Variants in TENM2 observed in about 807,000 individuals in gnomAD.
TENM2 encodes the protein teneurin-2.
TENM2 carries 52 observed loss-of-function variants against 245.2 expected under a neutral mutation model. The observed-to-expected ratio is 0.21, with a 90% CI of 0.17 to 0.27. TENM2 has a LOEUF of 0.27. TENM2 is among the 10% of genes least tolerant of loss of function. The pLI, the probability that TENM2 is intolerant of heterozygous loss-of-function variation, is 1.00. For missense variants in TENM2, 3,046 were observed against 3,666.8 expected (o/e 0.83, Z 4.37); for synonymous variants, 1,363 against 1,438.9 (o/e 0.95, Z 1.19).
the TENM2 span, among the ~76,000 whole-genome samples, chr5:167,041,593 T>C: frequency 6.6e-6 from 1 of 152,230 alleles, no homozygotes; most frequent in Non-Finnish European, 1.5e-5. Flanking sequence ...AAAAGAGTCT[T>C]GAATTTTTTA....
At chr5:167,649,942 G>A (rs1323287853) in intron 2 of TENM2, among the ~76,000 whole-genome samples, 1 of 152,116 alleles carries the variant, frequency 6.6e-6, no homozygotes, top group Non-Finnish European at 1.5e-5. Flanking sequence ...GATAAAGCAT[G>A]CAAACATTGA....
intron 23 of TENM2, among the ~76,000 whole-genome samples, chr5:168,225,329 G>T (rs1562302737): frequency 6.6e-6 from 1 of 152,224 alleles, no homozygotes; most frequent in African/African-American, 2.4e-5. Flanking sequence ...TCAGGGCATG[G>T]ATGGTCTCAA....
chr5:167,931,677 A>C (rs1778303268), intron 3 of TENM2, among the ~76,000 whole-genome samples: 1 of 152,214 alleles, frequency 6.6e-6, no homozygotes, highest in African/African-American at 2.4e-5. Flanking sequence ...AAACGTGTCA[A>C]GAGCACTGGT....
At chr5:167,275,673 T>G in the TENM2 span, among the ~76,000 whole-genome samples, 1 of 152,118 alleles carries the variant, frequency 6.6e-6, no homozygotes, top group Non-Finnish European at 1.5e-5. Flanking sequence ...GCTAGTGTAT[T>G]GAAATGCAAT....
At chr5:167,388,732 T>C (rs1581913138) in intron 2 of TENM2, among the ~76,000 whole-genome samples, 2 of 152,130 alleles carry the variant, frequency 1.3e-5, no homozygotes, top group Admixed American at 1.3e-4. Flanking sequence ...AATTTTTTAC[T>C]TTCCATCGCG....
intron 2 of TENM2, among the ~76,000 whole-genome samples, chr5:167,688,064 T>TA (rs1456629990): frequency 6.6e-6 from 1 of 152,226 alleles, no homozygotes; most frequent in African/African-American, 2.4e-5. Context: ...GCATTGTTTT[T>TA]ATCATTCTTG....
chr5:167,043,819 C>G, the TENM2 span, among the ~76,000 whole-genome samples: 1 of 152,044 alleles, frequency 6.6e-6, no homozygotes, highest in East Asian at 1.9e-4. Context: ...GTCAAGTGAT[C>G]GAGACCATCC....
intron 2 of TENM2, among the ~76,000 whole-genome samples, chr5:167,549,132 T>A (rs1260506047): frequency 6.6e-6 from 1 of 152,204 alleles, no homozygotes; most frequent in Non-Finnish European, 1.5e-5. Flanking sequence ...CAGCCAATCG[T>A]AGCAGAGCAA....
the TENM2 span, among the ~76,000 whole-genome samples, chr5:167,016,260 A>G: frequency 2.7e-5 from 3 of 112,338 alleles, no homozygotes; most frequent in South Asian, 1.0e-3. Context: ...TCTCAAAAAA[A>G]AAAACAAACA....
At chr5:168,021,050 G>C (rs1301853548) in intron 5 of TENM2, among the ~76,000 whole-genome samples, 3 of 152,182 alleles carry the variant, frequency 2.0e-5, no homozygotes, top group Admixed American at 6.5e-5. Context: ...TGATAACCTA[G>C]AAAGTCAGGA....
chr5:167,558,468 G>A (rs534505147), intron 2 of TENM2, among the ~76,000 whole-genome samples: 6 of 152,302 alleles, frequency 3.9e-5, no homozygotes, highest in South Asian at 2.1e-4. Flanking sequence ...TTAGGAACCC[G>A]GCTGCATGGC....
intron 1 of TENM2, among the ~76,000 whole-genome samples, chr5:167,344,462 A>T (rs965089126): frequency 6.6e-6 from 1 of 151,872 alleles, no homozygotes; most frequent in Non-Finnish European, 1.5e-5. Flanking sequence ...AAAGAAATTC[A>T]TCTCTGCTTG....
At chr5:167,719,610 C>T (rs2150512686) in intron 2 of TENM2, among the ~76,000 whole-genome samples, 1 of 152,308 alleles carries the variant, frequency 6.6e-6, no homozygotes, top group African/African-American at 2.4e-5. Flanking sequence ...GACTAATGGA[C>T]AGAAGAAAGT....
chr5:167,996,719 T>TTTGTTTGTTTG lies in TENM2; in HGVS notation c.1186+3539_1186+3540insGTTTGTTTGTT, dbSNP rs113308061. Among the ~76,000 whole-genome samples the TTTGTTTGTTTG allele has an allele frequency of 2.1e-3, 313 of 150,986 alleles. 1 individual carries two copies. The highest frequency in any genetic ancestry group is 3.4e-3 in the Middle Eastern group (1 of 294). On this transcript the variant is annotated intron_variant, in intron 5 of 28. Transcript: ENST00000518659. ...TAGAAGCATTTCCATTTGAATCACT[T>TTTGTTTGTTTG]TTTGTTTGTTTGTTTGTTTGTTTGT...
At chr5:167,570,794 A>G (rs1164380020) in intron 2 of TENM2, among the ~76,000 whole-genome samples, 1 of 152,218 alleles carries the variant, frequency 6.6e-6, no homozygotes, top group Non-Finnish European at 1.5e-5. Flanking sequence ...GAAAACAGTA[A>G]CTTTAAGAGA....
intron 21 of TENM2, 131 bp downstream of exon 23, chr5:168,215,403 T>C: frequency 2.8e-6 from 2 of 723,170 alleles, no homozygotes; most frequent in Non-Finnish European, 4.7e-6. Flanking sequence ...TTAACTCAGA[T>C]AGATTGCTTT....
exon 8 of TENM2, chr5:168,090,684 G>A (rs1792866076): frequency 3.7e-6 from 6 of 1,613,912 alleles, no homozygotes; most frequent in East Asian, 2.2e-5. Flanking sequence ...TGTTTGTGCA[G>A]TACCTGGATG....
At chr5:167,358,803 GCACACACACA>G (rs58530155) in intron 1 of TENM2, among the ~76,000 whole-genome samples, 22,932 of 143,714 alleles carry the variant, frequency 0.16, 1,900 homozygotes, top group Middle Eastern at 0.24. Flanking sequence ...ATTCTGATCT[GCACACACACA>G]CACACACACA....
intron 4 of TENM2, among the ~76,000 whole-genome samples, chr5:167,973,468 C>T (rs1389802223): frequency 6.6e-6 from 1 of 152,128 alleles, no homozygotes; most frequent in East Asian, 1.9e-4. Context: ...AGACATGGCC[C>T]CTGACCTCTG....
Sources: gnomAD v4.1 joint callset for allele counts (sites outside exome capture counted in the v4.1 genomes callset) on GRCh38, gnomAD v4.1.1 for gene constraint, MANE v1.5 for transcripts, NCBI Gene and HGNC (gene_info 2026-07-23, HGNC 2026-07-21) for gene names.